MYO6: variants seen among roughly 807,000 people sequenced by gnomAD.
MYO6 encodes the protein myosin VI, also known as unconventional myosin-VI.
MYO6 carries 74 observed loss-of-function variants against 178.7 expected under a neutral mutation model. The ratio of observed to expected loss-of-function variants is 0.41; its 90% CI spans 0.34 to 0.50. MYO6 has a LOEUF of 0.50. Among genes scored for constraint, MYO6 ranks in the 20% least tolerant of loss-of-function variants. MYO6 has a pLI of 0.09. For missense variants in MYO6, 1,330 were observed against 1,547.4 expected (o/e 0.86, Z 2.36); for synonymous variants, 477 against 504.6 (o/e 0.95, Z 0.73).
chr6:75,783,556 CTTTT>C (rs199499336), intron 1 of MYO6, among the ~76,000 whole-genome samples: 4 of 127,716 alleles, frequency 3.1e-5, no homozygotes, highest in Admixed American at 8.0e-5. Flanking sequence ...TTGATATCTT[CTTTT>C]TTTTTTTTTT....
intron 32 of MYO6, among the ~76,000 whole-genome samples, chr6:75,909,919 GTGTTTCTAAGT>G (rs1456033765): frequency 6.6e-6 from 1 of 152,120 alleles, no homozygotes; most frequent in Non-Finnish European, 1.5e-5. Flanking sequence ...TGGAATTCTA[GTGTTTCTAAGT>G]TGTTGCAAAG....
At chr6:75,883,656 C>G (rs1778211091) in intron 23 of MYO6, among the ~76,000 whole-genome samples, 2 of 139,220 alleles carry the variant, frequency 1.4e-5, no homozygotes, top group African/African-American at 4.9e-5. Flanking sequence ...GTCATAGCAG[C>G]TACATAGCTG....
At chr6:75,760,616 TA>T (rs561420482) in intron 1 of MYO6, among the ~76,000 whole-genome samples, 113 of 148,204 alleles carry the variant, frequency 7.6e-4, no homozygotes, top group Admixed American at 3.0e-3. Flanking sequence ...ATAACTGAGT[TA>T]AAAAAAAAAC....
At chr6:75,778,493 C>T (rs906681569) in intron 1 of MYO6, among the ~76,000 whole-genome samples, 29 of 151,552 alleles carry the variant, frequency 1.9e-4, no homozygotes, top group Admixed American at 6.6e-4. Flanking sequence ...GCTACTCAGG[C>T]GGCTGAGGCG....
chr6:75,770,363 C>T (rs564752106), intron 1 of MYO6, among the ~76,000 whole-genome samples: 3 of 152,248 alleles, frequency 2.0e-5, no homozygotes, highest in Admixed American at 6.5e-5. Flanking sequence ...AGAGAAATTC[C>T]GTAATGAGAT....
Position 75,866,604 on chromosome 6 carries a change from G to T in MYO6, c.1753G>T (p.Ala585Ser). The T allele has an allele frequency of 3.1e-6, 5 of 1,613,732 alleles. No individual in the cohort carries two copies. The highest frequency in any genetic ancestry group is 4.2e-6 in the Non-Finnish European group (5 of 1,179,656). Reference sequence around the variant, plus strand: ...CTTCATTATCAGGCATTTTGCGGGGGCAGTGTGCTATGAAACAGTGAGTAT... The same window carrying T: ...CTTCATTATCAGGCATTTTGCGGGGTCAGTGTGCTATGAAACAGTGAGTAT... The part of the protein sequence containing the change: ...EGFIIRHFAG[A>S]VCYETTQFVE... The change falls in exon 17 of 35, where the codon GCA (alanine) becomes TCA (serine). Residue 585 changes from alanine (A) to serine (S), a missense_variant. By Grantham distance (99) the Ala-to-Ser change is moderately conservative. Coordinates refer to ENST00000369977, the MANE Select transcript of MYO6 (RefSeq NM_004999.4).
At chr6:75,765,803 G>A (rs1778365413) in intron 1 of MYO6, among the ~76,000 whole-genome samples, 1 of 152,170 alleles carries the variant, frequency 6.6e-6, no homozygotes. Context: ...GAGGTGGGAG[G>A]ATCATTTGAG....
At position 75,822,857 on chromosome 6, in the gene MYO6, T is replaced by C; in HGVS notation, c.187+6T>C. ...AAAAGATGTGGAAGATAACTGTAAG[T>C]ACCAAGTTAAAAATTAACTCTCCGC... On this transcript the variant is annotated splice_donor_region_variant and intron_variant, in intron 3 of 34. Transcript: ENST00000369977. 6.2e-7 allele frequency: 1 copy of C among 1,609,630 alleles called. No individual in the cohort carries two copies. The highest frequency in any genetic ancestry group is 1.3e-5 in the African/African-American group (1 of 74,956).
chr6:75,771,268 C>T (rs1765871882), intron 1 of MYO6, among the ~76,000 whole-genome samples: 2 of 152,304 alleles, frequency 1.3e-5, no homozygotes, highest in Non-Finnish European at 2.9e-5. Context: ...TCCCAAAGTG[C>T]TGGAACTACA....
chr6:75,776,503 C>T (rs1285232050), intron 1 of MYO6, among the ~76,000 whole-genome samples: 1 of 152,162 alleles, frequency 6.6e-6, no homozygotes, highest in Non-Finnish European at 1.5e-5. Flanking sequence ...CTTTTGCCAA[C>T]CAGAAATCAA....
rs114220242 is a variant in MYO6, at chr6:75,885,235, A to G, written c.2417-769A>G. Among the ~76,000 whole-genome samples the G allele has an allele frequency of 3.3e-5, 5 of 152,296 alleles. No individual in the cohort carries two copies. In the Middle Eastern group the frequency reaches 0.01, roughly 311 times the overall value. On this transcript the variant is annotated intron_variant, in intron 23 of 34. Transcript: ENST00000369977. Reference sequence around the variant, plus strand: ...TTATTTTTAAGAAGAATAAGAAATTATAGAAATGTTAAAACTGGCTGGGCG... The same window carrying G: ...TTATTTTTAAGAAGAATAAGAAATTGTAGAAATGTTAAAACTGGCTGGGCG...
chr6:75,778,575 T>C (rs879499343), intron 1 of MYO6, among the ~76,000 whole-genome samples: 5 of 151,328 alleles, frequency 3.3e-5, no homozygotes, highest in Non-Finnish European at 5.9e-5. Flanking sequence ...CCAGCCTGGG[T>C]GACAGAGCGA....
chr6:75,855,028 C>G, intron 11 of MYO6, 111 bp from the exon 12 acceptor site: 1 of 951,268 alleles, frequency 1.1e-6, no homozygotes, highest in Non-Finnish European at 1.6e-6. Flanking sequence ...TACAAATAAG[C>G]CTTGCCTATT....
chr6:75,752,558 C>A (rs1218492597), intron 1 of MYO6, among the ~76,000 whole-genome samples: 1 of 152,206 alleles, frequency 6.6e-6, no homozygotes, highest in Non-Finnish European at 1.5e-5. Context: ...TCCACCAGAA[C>A]AGTTTGCCTT....
intron 1 of MYO6, among the ~76,000 whole-genome samples, chr6:75,760,693 A>G (rs1039037860): frequency 6.6e-6 from 1 of 151,500 alleles, no homozygotes. Context: ...TTTGGAATCA[A>G]CTGAATAACA....
chr6:75,877,645 A>G (rs1777670087), intron 20 of MYO6, among the ~76,000 whole-genome samples: 1 of 151,976 alleles, frequency 6.6e-6, no homozygotes. Context: ...CTTCTTCTGT[A>G]ACCTTGGGGC....
At position 75,814,558 on chromosome 6, in the gene MYO6, C is replaced by T. The variant is rs529937801; in HGVS notation, c.-47-2943C>T. On this transcript the variant is annotated intron_variant, in intron 1 of 34. Transcript: ENST00000369977. ...GTGTGAGCCACCGTTCCTGGCTGAGCGTAGGATTTGAAGATATTTCAGGAT... is the reference window on the plus strand; with the variant it reads ...GTGTGAGCCACCGTTCCTGGCTGAGTGTAGGATTTGAAGATATTTCAGGAT... Among the ~76,000 whole-genome samples the T allele has an allele frequency of 5.3e-5, 8 of 152,104 alleles. No homozygotes were observed. The South Asian group carries it at 1.0e-3, about 20-fold the overall frequency.
chr6:75,764,746 C>T (rs980641826), intron 1 of MYO6, among the ~76,000 whole-genome samples: 1 of 151,978 alleles, frequency 6.6e-6, no homozygotes, highest in African/African-American at 2.4e-5. Flanking sequence ...TGATCCAGGC[C>T]AGGCACTTTG....
intron 1 of MYO6, among the ~76,000 whole-genome samples, chr6:75,805,496 C>T (rs1391095428): frequency 6.6e-6 from 1 of 152,120 alleles, no homozygotes; most frequent in Non-Finnish European, 1.5e-5. Context: ...CTCTTGCCTG[C>T]AATAAGTTTG....
Sources: gnomAD v4.1 joint callset for allele counts (sites outside exome capture counted in the v4.1 genomes callset) on GRCh38, gnomAD v4.1.1 for gene constraint, MANE v1.5 for transcripts, NCBI Gene and HGNC (gene_info 2026-07-23, HGNC 2026-07-21) for gene names.